Variants in KANSL1L observed in about 807,000 individuals in gnomAD.
The protein encoded by KANSL1L is KAT8 regulatory NSL complex subunit 1 like, also known as KAT8 regulatory NSL complex subunit 1-like protein.
Under a neutral mutation model 108.6 loss-of-function variants are expected in KANSL1L, and 25 were observed. The observed-to-expected ratio is 0.23, with a 90% confidence interval of 0.17 to 0.32. The LOEUF is 0.32. Among genes scored for constraint, KANSL1L ranks in the 10% least tolerant of loss-of-function variants. The pLI is 1.00. For synonymous variants in KANSL1L, 405 were observed against 395.1 expected, an observed-to-expected ratio of 1.03 and a Z score of -0.30; for missense variants, 1,137 against 1,125.7, an observed-to-expected ratio of 1.01 and a Z score of -0.14.
At chr2:210,033,119 A>T (rs1042006933) in intron 8 of KANSL1L, among the ~76,000 whole-genome samples, 1 of 152,224 alleles carries the variant, frequency 6.6e-6, no homozygotes, top group Non-Finnish European at 1.5e-5. Flanking sequence ...TAACAAGATG[A>T]GACTAGAAAG....
intron 6 of KANSL1L, among the ~76,000 whole-genome samples, chr2:210,066,570 G>A (rs569602062): frequency 1.2e-4 from 19 of 152,178 alleles, no homozygotes; most frequent in African/African-American, 3.1e-4. Context: ...AAACCTACAC[G>A]GTGTCACTTT....
chr2:210,124,030 G>A (rs2095044590), intron 3 of KANSL1L, among the ~76,000 whole-genome samples: 1 of 152,062 alleles, frequency 6.6e-6, no homozygotes, highest in Admixed American at 6.6e-5. Context: ...GAATTGCAAA[G>A]AAAAATCAAT....
intron 6 of KANSL1L, among the ~76,000 whole-genome samples, chr2:210,059,811 A>G (rs2094400285): frequency 6.6e-6 from 1 of 151,986 alleles, no homozygotes. Context: ...GCATGATCTC[A>G]GCTGACTGCA....
intron 5 of KANSL1L, among the ~76,000 whole-genome samples, chr2:210,091,747 C>T (rs1238926211): frequency 1.3e-5 from 2 of 152,140 alleles, no homozygotes; most frequent in African/African-American, 4.8e-5. Context: ...CTTACACATG[C>T]CCATATGGTT....
intron 1 of KANSL1L, chr2:210,170,779 G>A (rs1325088573): frequency 6.6e-6 from 1 of 152,264 alleles, no homozygotes; most frequent in Non-Finnish European, 1.5e-5. Flanking sequence ...GCGGGTCCAG[G>A]AAACCACGTG....
chr2:210,029,783 C>A lies in KANSL1L; in HGVS notation c.2271+20G>T, dbSNP rs778291165. ...TTATTTTTAAAGCTATTTTAGAGTT[C>A]AACATATGGAAAAACCTACTCGTGA... On this transcript the variant is annotated intron_variant, in intron 10 of 14. Transcript: ENST00000281772. The A allele has an allele frequency of 2.4e-6, 3 of 1,254,024 alleles. No homozygotes were observed. Among genetic ancestry groups the A allele is most frequent in the Non-Finnish European group, 3.4e-6 (3 of 871,610 alleles). The allele number at this position is 1,254,024 out of a possible 1,614,324, so 77.7% of individuals were successfully genotyped here. A position where few individuals can be genotyped will look rare whatever the true frequency, so the allele number is the denominator to read the frequency against.
At chr2:210,055,588 T>C (rs2125246073) in intron 6 of KANSL1L, among the ~76,000 whole-genome samples, 1 of 152,314 alleles carries the variant, frequency 6.6e-6, no homozygotes, top group South Asian at 2.1e-4. Context: ...ATGAAAATGC[T>C]GATAGAGATA....
At chr2:210,150,063 C>G (rs895005037) in intron 2 of KANSL1L, among the ~76,000 whole-genome samples, 3 of 151,882 alleles carry the variant, frequency 2.0e-5, no homozygotes, top group African/African-American at 7.3e-5. Context: ...CTTTAATAAC[C>G]AAGGCATTAA....
intron 6 of KANSL1L, among the ~76,000 whole-genome samples, chr2:210,061,624 A>G (rs541743544): frequency 3.0e-4 from 45 of 152,356 alleles, no homozygotes; most frequent in African/African-American, 1.0e-3. Context: ...AGATACATCT[A>G]TATTCTAGGT....
chr2:210,100,029 G>A (rs754779924), intron 4 of KANSL1L, among the ~76,000 whole-genome samples: 4 of 152,230 alleles, frequency 2.6e-5, no homozygotes, highest in Non-Finnish European at 4.4e-5. Context: ...CCCAACCCCC[G>A]GGCTGCTGAT....
chr2:210,032,649 T>G (rs975599010), intron 8 of KANSL1L: 1 of 152,260 alleles, frequency 6.6e-6, no homozygotes, highest in Non-Finnish European at 1.5e-5. Flanking sequence ...TGCCCTGCTT[T>G]GAAATGTCCC....
chr2:210,120,630 G>T (rs986424019), intron 3 of KANSL1L, among the ~76,000 whole-genome samples: 1 of 152,048 alleles, frequency 6.6e-6, no homozygotes, highest in African/African-American at 2.4e-5. Context: ...TGCAACAAAA[G>T]CAAAAATTGA....
At chr2:210,162,231 T>C (rs1168107003) in intron 1 of KANSL1L, among the ~76,000 whole-genome samples, 1 of 142,082 alleles carries the variant, frequency 7.0e-6, no homozygotes, top group African/African-American at 2.6e-5. Context: ...GGTATATATA[T>C]ATATATATAT....
At chr2:210,123,837 A>G (rs1280195750) in intron 3 of KANSL1L, among the ~76,000 whole-genome samples, 1 of 151,694 alleles carries the variant, frequency 6.6e-6, no homozygotes, top group Non-Finnish European at 1.5e-5. Flanking sequence ...TTTAAGTTAA[A>G]AAAAAAAAGC....
intron 3 of KANSL1L, among the ~76,000 whole-genome samples, chr2:210,117,967 T>G (rs1375668562): frequency 1.3e-5 from 2 of 149,806 alleles, no homozygotes; most frequent in African/African-American, 4.9e-5. Flanking sequence ...AGTTTGAGAC[T>G]AGCCTGACCA....
intron 6 of KANSL1L, among the ~76,000 whole-genome samples, chr2:210,067,557 G>A (rs548481299): frequency 1.1e-4 from 16 of 151,672 alleles, no homozygotes; most frequent in Admixed American, 2.0e-4. Context: ...GGAAAAATTG[G>A]CCAGGCATGG....
rs193234942 is a variant in KANSL1L at position 210,161,689 on chromosome 2, T to C, written c.-29-7078A>G. On this transcript the variant is annotated intron_variant, in intron 1 of 14. Transcript: ENST00000281772. Reference sequence around the variant, plus strand: ...AATGTGTTCAAGAGTTCGTAGAAATTAGATGTACATATTACTGAAAGTCAC... The same window carrying C: ...AATGTGTTCAAGAGTTCGTAGAAATCAGATGTACATATTACTGAAAGTCAC... Among the ~76,000 whole-genome samples, 574 of 152,272 alleles carry C rather than the reference T, an allele frequency of 3.8e-3. 3 individuals carry two copies. Among genetic ancestry groups the C allele is most frequent in the Non-Finnish European group, 5.5e-3 (372 of 68,006 alleles).
chr2:210,143,507 GTT>G (rs1559598289), intron 2 of KANSL1L, among the ~76,000 whole-genome samples: 1 of 151,966 alleles, frequency 6.6e-6, no homozygotes, highest in Non-Finnish European at 1.5e-5. Flanking sequence ...TTCTGTTTTC[GTT>G]TTGTTTTTAA....
At chr2:210,060,613 A>G (rs922203329) in intron 6 of KANSL1L, among the ~76,000 whole-genome samples, 4 of 152,260 alleles carry the variant, frequency 2.6e-5, no homozygotes. Flanking sequence ...ATATGCAAAT[A>G]GCGTTCTTCA....
Sources: gnomAD v4.1 joint callset for allele counts (sites outside exome capture counted in the v4.1 genomes callset) on GRCh38, gnomAD v4.1.1 for gene constraint, MANE v1.5 for transcripts, NCBI Gene and HGNC (gene_info 2026-07-23, HGNC 2026-07-21) for gene names.